SESTD1: variants seen among roughly 807,000 people sequenced by gnomAD.
SESTD1 encodes SEC14 domain and spectrin repeat-containing protein 1.
SESTD1 carries 43 observed loss-of-function variants against 101.7 expected under a neutral mutation model. The observed-to-expected ratio is 0.42, with a 90% CI of 0.33 to 0.55. The LOEUF (loss-of-function observed/expected upper bound fraction) is 0.55. SESTD1 is among the 20% of genes least tolerant of loss of function. The probability of loss-of-function intolerance (pLI) is 0.07; values close to 1 mark genes in which losing one functional copy is unlikely to be tolerated. For synonymous variants in SESTD1, 283 were observed against 286.8 expected, an observed-to-expected ratio of 0.99 and a Z score of 0.13; for missense variants, 647 against 815.1, an observed-to-expected ratio of 0.79 and a Z score of 2.51.
intron 15 of SESTD1, 47 bp from the exon 16 acceptor site, chr2:179,115,303 G>A (rs372440790): frequency 4.3e-6 from 6 of 1,411,374 alleles, no homozygotes; most frequent in African/African-American, 2.9e-5. Context: ...GAATTCTTAA[G>A]AGAAGGATGG....
intron 1 of SESTD1, among the ~76,000 whole-genome samples, chr2:179,248,057 G>A (rs966325309): frequency 1.3e-5 from 2 of 151,378 alleles, no homozygotes. Flanking sequence ...AGCAGAAGGG[G>A]GAAAAAAGGC....
chr2:179,182,552 G>A lies in SESTD1; in HGVS notation c.164+528C>T, dbSNP rs138601554. The stretch of plus-strand genomic sequence containing the variant: ...TTTATTTTTTTTTGTTGAAGTCATG[G>A]GTAGACTAGGACAAATAAAGAGGGT... On this transcript the variant is annotated intron_variant, in intron 3 of 17. Coordinates refer to ENST00000428443, the MANE Select transcript of SESTD1 (RefSeq NM_178123.5). 4.4e-3 allele frequency among the ~76,000 whole-genome samples: 670 copies of A among 152,094 alleles called. 2 individuals carry two copies. The highest frequency in any genetic ancestry group is 6.8e-3 in the Middle Eastern group (2 of 294).
chr2:179,240,127 A>C (rs897342203), intron 1 of SESTD1, among the ~76,000 whole-genome samples: 2 of 152,202 alleles, frequency 1.3e-5, no homozygotes, highest in African/African-American at 4.8e-5. Flanking sequence ...GAAACGCAGA[A>C]TCCTATAGAA....
intron 5 of SESTD1, among the ~76,000 whole-genome samples, chr2:179,165,591 T>C (rs2045821076): frequency 6.6e-6 from 1 of 152,226 alleles, no homozygotes. Flanking sequence ...AAGTCTTCAC[T>C]CACCATGCTC....
intron 5 of SESTD1, among the ~76,000 whole-genome samples, chr2:179,154,710 T>C (rs930413598): frequency 2.0e-5 from 3 of 152,112 alleles, no homozygotes; most frequent in Non-Finnish European, 4.4e-5. Context: ...GGAAACTCTA[T>C]AGGACAAACA....
In SESTD1 at chr2:179,202,261, G is replaced by T. The variant is rs775383575; in HGVS notation, c.-25-10395C>A. Among the ~76,000 whole-genome samples, 2 of 132,572 alleles carry T rather than the reference G, an allele frequency of 1.5e-5. 1 individual carries two copies. The highest frequency in any genetic ancestry group is 3.2e-5 in the Non-Finnish European group (2 of 62,130). The allele number at this position is 132,572 out of a possible 152,430, so 87.0% of individuals were successfully genotyped here. On this transcript the variant is annotated intron_variant, in intron 1 of 17. Coordinates refer to ENST00000428443, the MANE Select transcript of SESTD1 (RefSeq NM_178123.5). ...CTCAGTTTAACTTTTGCTGTGTCCC[G>T]CTACTTTCTGCTTTTTCTCCCCTAA...
intron 4 of SESTD1, among the ~76,000 whole-genome samples, chr2:179,174,881 G>A (rs1042413505): frequency 6.6e-6 from 1 of 151,610 alleles, no homozygotes; most frequent in East Asian, 1.9e-4. Context: ...CCCAGGAGCT[G>A]GAGGCTTCAG....
chr2:179,262,038 T>C lies in SESTD1; in HGVS notation c.-26+2461A>G, dbSNP rs147565758. Among the ~76,000 whole-genome samples the C allele has an allele frequency of 3.9e-4, 59 of 152,196 alleles. 3 individuals carry two copies. In the South Asian group the frequency reaches 6.4e-3, roughly 17 times the overall value. On this transcript the variant is annotated intron_variant, in intron 1 of 17. Transcript: ENST00000428443. ...CATATAACAAAATAATATTCTGCCA[T>C]AAAAGGAATGAAATATTGATACATG...
At chr2:179,149,897 A>C (rs1321368623) in intron 6 of SESTD1, among the ~76,000 whole-genome samples, 1 of 152,210 alleles carries the variant, frequency 6.6e-6, no homozygotes, top group African/African-American at 2.4e-5. Flanking sequence ...TTAAGTAATG[A>C]AGTAGACAAT....
chr2:179,161,162 T>C lies in SESTD1; in HGVS notation c.370-9771A>G, dbSNP rs2045729112. Among the ~76,000 whole-genome samples the C allele has an allele frequency of 2.0e-5, 3 of 150,878 alleles. No individual in the cohort carries two copies. In the South Asian group the frequency reaches 6.3e-4, roughly 32 times the overall value. On this transcript the variant is annotated intron_variant, in intron 5 of 17. Coordinates refer to ENST00000428443, the MANE Select transcript of SESTD1 (RefSeq NM_178123.5). ...GTTCCAAACTCCTGGGCTCAAGTAA[T>C]CCTGCCATCTCAGCCTCCCAAAGTG...
rs565719693 is a variant in SESTD1, at chr2:179,217,235, C to A, written c.-25-25369G>T. On this transcript the variant is annotated intron_variant, in intron 1 of 17. Coordinates refer to ENST00000428443, the MANE Select transcript of SESTD1 (RefSeq NM_178123.5). Reference sequence around the variant, plus strand: ...GAGAAAATTTCTGCAATCTACCCATCTGACAAAGGGCTAATATCCAGAATC... The same window carrying A: ...GAGAAAATTTCTGCAATCTACCCATATGACAAAGGGCTAATATCCAGAATC... Among the ~76,000 whole-genome samples, 147 of 152,336 alleles carry A rather than the reference C, an allele frequency of 9.6e-4. 1 individual carries two copies. The highest frequency in any genetic ancestry group is 3.2e-3 in the African/African-American group (133 of 41,572).
At chr2:179,125,072 T>A (rs1217919017) in intron 10 of SESTD1, among the ~76,000 whole-genome samples, 2 of 152,082 alleles carry the variant, frequency 1.3e-5, no homozygotes, top group Non-Finnish European at 2.9e-5. Context: ...CCCACCACCA[T>A]CCTGAACCTC....
chr2:179,203,538 C>T (rs1469109583), intron 1 of SESTD1, among the ~76,000 whole-genome samples: 1 of 134,376 alleles, frequency 7.4e-6, no homozygotes, highest in Admixed American at 7.2e-5. Flanking sequence ...ATGCCTCCTC[C>T]CCCGATACCT....
chr2:179,240,122 G>A (rs1158333754), intron 1 of SESTD1, among the ~76,000 whole-genome samples: 1 of 152,112 alleles, frequency 6.6e-6, no homozygotes, highest in South Asian at 2.1e-4. Flanking sequence ...CAGTAGAAAC[G>A]CAGAATCCTA....
chr2:179,147,345 C>T (rs796350103), intron 7 of SESTD1, among the ~76,000 whole-genome samples: 1 of 151,028 alleles, frequency 6.6e-6, no homozygotes, highest in South Asian at 2.1e-4. Flanking sequence ...AAACACTGAA[C>T]AAGATATGTT....
chr2:179,140,499 C>T (rs994044721), intron 9 of SESTD1, among the ~76,000 whole-genome samples: 14 of 152,256 alleles, frequency 9.2e-5, no homozygotes, highest in African/African-American at 3.4e-4. Flanking sequence ...CTCAAAGGAA[C>T]CAATCCTGCT....
chr2:179,118,866 A>T (rs1245407626), intron 13 of SESTD1, among the ~76,000 whole-genome samples: 2 of 152,192 alleles, frequency 1.3e-5, no homozygotes, highest in Non-Finnish European at 2.9e-5. Context: ...GGAGCAAGTG[A>T]CTAACTTGCC....
chr2:179,204,153 AAAAG>A (rs1481987749), intron 1 of SESTD1, among the ~76,000 whole-genome samples: 1 of 134,690 alleles, frequency 7.4e-6, no homozygotes, highest in African/African-American at 2.9e-5. Flanking sequence ...TACAGATGAA[AAAAG>A]AAAGAACTTT....
At chr2:179,234,868 G>A (rs980530175) in intron 1 of SESTD1, among the ~76,000 whole-genome samples, 5 of 151,720 alleles carry the variant, frequency 3.3e-5, no homozygotes, top group Non-Finnish European at 1.5e-5. Context: ...CAGTACTTTG[G>A]AAGGCTGAGG....
Sources: allele counts gnomAD v4.1 joint callset (sites outside exome capture counted in the v4.1 genomes callset), GRCh38; gene constraint gnomAD v4.1.1; transcripts MANE v1.5; gene names NCBI Gene and HGNC (gene_info 2026-07-23, HGNC 2026-07-21).